The following BZW2 variants were observed in gnomAD, a reference collection of about 807,000 sequenced individuals.
The protein encoded by BZW2 is eIF5-mimic protein 1.
BZW2 carries 23 observed loss-of-function variants against 53.2 expected under a neutral mutation model. The ratio of observed to expected loss-of-function variants is 0.43; its 90% CI spans 0.31 to 0.61. The LOEUF (loss-of-function observed/expected upper bound fraction) is 0.61. Ranked by LOEUF, BZW2 falls within the 20% of genes least tolerant of loss-of-function variation. BZW2 has a pLI of 0.09. For missense variants in BZW2, 409 were observed against 503.1 expected (o/e 0.81, Z 1.79); for synonymous variants, 227 against 186.4 (o/e 1.22, Z -1.77).
At chr7:16,647,510 G>C (rs892474307) in intron 1 of BZW2, among the ~76,000 whole-genome samples, 5 of 152,266 alleles carry the variant, frequency 3.3e-5, no homozygotes, top group Non-Finnish European at 7.4e-5. Flanking sequence ...CTAAACTCCA[G>C]CTGTTTTTCC....
chr7:16,663,396 AG>A (rs1782325393), intron 1 of BZW2, among the ~76,000 whole-genome samples: 1 of 152,130 alleles, frequency 6.6e-6, no homozygotes, highest in Non-Finnish European at 1.5e-5. Flanking sequence ...TTTACTTTAT[AG>A]GGTTGGCAAA....
chr7:16,658,151 G>T (rs988469215), intron 1 of BZW2, among the ~76,000 whole-genome samples: 1 of 152,138 alleles, frequency 6.6e-6, no homozygotes, highest in Non-Finnish European at 1.5e-5. Context: ...AAGTGCAAGG[G>T]CCCAGAGGAA....
chr7:16,678,913 G>A (rs1300198258), intron 3 of BZW2, among the ~76,000 whole-genome samples: 1 of 152,016 alleles, frequency 6.6e-6, no homozygotes, highest in African/African-American at 2.4e-5. Context: ...TAGAGTGTGG[G>A]TCACAGAGAT....
chr7:16,675,895 C>T lies in BZW2; in HGVS notation c.235+1307C>T, dbSNP rs552231097. 2.2e-3 allele frequency among the ~76,000 whole-genome samples: 335 copies of T among 152,232 alleles called. 1 individual carries two copies. The highest frequency in any genetic ancestry group is 7.9e-3 in the African/African-American group (329 of 41,548). The stretch of plus-strand genomic sequence containing the variant: ...AGGAGTTCGAGACCAGCTTGGCCAA[C>T]ATGGTGAAACCCCGTGTCTATAAAA... On this transcript the variant is annotated intron_variant, in intron 3 of 11. Coordinates refer to ENST00000258761, the MANE Select transcript of BZW2 (RefSeq NM_014038.3).
At chr7:16,664,426 A>AG (rs1162756347) in intron 1 of BZW2, among the ~76,000 whole-genome samples, 1 of 152,226 alleles carries the variant, frequency 6.6e-6, no homozygotes, top group East Asian at 1.9e-4. Context: ...AATGATTGCA[A>AG]GGAGATAGCC....
chr7:16,686,158 G>A, intron 6 of BZW2, 118 bp downstream of exon 6: 1 of 1,441,272 alleles, frequency 6.9e-7, no homozygotes, highest in Non-Finnish European at 9.4e-7. Flanking sequence ...CTTCATTTAA[G>A]AGAATATCTT....
At chr7:16,651,784 C>T (rs368550210) in intron 1 of BZW2, among the ~76,000 whole-genome samples, 5 of 152,108 alleles carry the variant, frequency 3.3e-5, no homozygotes, top group African/African-American at 4.8e-5. Flanking sequence ...TCCCCCCCAC[C>T]GCTTAATAGA....
intron 11 of BZW2, 22 bp downstream of exon 11, chr7:16,704,691 T>C (rs775601475): frequency 8.9e-5 from 138 of 1,549,638 alleles, no homozygotes; most frequent in Non-Finnish European, 1.2e-4. Context: ...TTTACAAACA[T>C]TGATGACCTT....
chr7:16,656,412 G>A (rs1378528184), intron 1 of BZW2, among the ~76,000 whole-genome samples: 3 of 152,112 alleles, frequency 2.0e-5, no homozygotes, highest in African/African-American at 7.2e-5. Flanking sequence ...ATCTGGAGTT[G>A]TAGTGATTGT....
chr7:16,704,122 A>G (rs376449405), intron 10 of BZW2, among the ~76,000 whole-genome samples: 3 of 152,268 alleles, frequency 2.0e-5, no homozygotes, highest in East Asian at 1.9e-4. Flanking sequence ...GAAAATCCCA[A>G]TCTCCTTAAA....
intron 11 of BZW2, among the ~76,000 whole-genome samples, chr7:16,705,634 A>C (rs1280151920): frequency 6.7e-6 from 1 of 149,662 alleles, no homozygotes; most frequent in Admixed American, 6.6e-5. Context: ...GCAGTGAGCC[A>C]AGATCACAGC....
chr7:16,677,051 C>CTT (rs10660587), intron 3 of BZW2, among the ~76,000 whole-genome samples: 26,140 of 129,886 alleles, frequency 0.2, 2,710 homozygotes, highest in East Asian at 0.37. Context: ...GCCCAGATTT[C>CTT]TTTTTTTTTT....
chr7:16,667,300 A>G (rs1782461800), intron 2 of BZW2, among the ~76,000 whole-genome samples: 1 of 152,008 alleles, frequency 6.6e-6, no homozygotes, highest in East Asian at 1.9e-4. Context: ...AAACAAAAAA[A>G]AAAACGCTGA....
chr7:16,650,819 C>G (rs1056495475), intron 1 of BZW2, among the ~76,000 whole-genome samples: 2 of 152,150 alleles, frequency 1.3e-5, no homozygotes, highest in Non-Finnish European at 2.9e-5. Context: ...GAATGATTTG[C>G]CCCGTTCTAA....
chr7:16,698,340 AT>A (rs1783568147), intron 10 of BZW2, 154 bp downstream of exon 10: 2 of 1,019,836 alleles, frequency 2.0e-6, no homozygotes, highest in Admixed American at 4.1e-5. Context: ...CAACCATACC[AT>A]GTAGAGAGAG....
intron 1 of BZW2, among the ~76,000 whole-genome samples, chr7:16,659,107 AC>A (rs1243669774): frequency 2.0e-5 from 3 of 151,988 alleles, no homozygotes; most frequent in South Asian, 2.1e-4. Context: ...CTAAAAAAAA[AC>A]AATAAAAAAA....
In BZW2 at chr7:16,696,895, C is replaced by A; in HGVS notation, c.823-20C>A. On this transcript the variant is annotated intron_variant, in intron 8 of 11. Transcript: ENST00000258761. ...CTCCATCTGCCTGTTACTTTCTGAC[C>A]CCATTTCCATGTAATGTAGGTGGTG... 1 of 1,613,492 alleles carries A rather than the reference C, an allele frequency of 6.2e-7. No individual in the cohort carries two copies.
chr7:16,656,903 T>C (rs1562475919), intron 1 of BZW2, among the ~76,000 whole-genome samples: 1 of 152,220 alleles, frequency 6.6e-6, no homozygotes, highest in Non-Finnish European at 1.5e-5. Flanking sequence ...GTCCTCAAGA[T>C]GGCTCTTATG....
intron 3 of BZW2, among the ~76,000 whole-genome samples, chr7:16,677,939 T>C (rs1282529794): frequency 6.6e-6 from 1 of 152,122 alleles, no homozygotes; most frequent in Non-Finnish European, 1.5e-5. Context: ...CGTTTTGGTA[T>C]AAGCTATGCA....
Sources: gnomAD v4.1 joint callset for allele counts (sites outside exome capture counted in the v4.1 genomes callset) on GRCh38, gnomAD v4.1.1 for gene constraint, MANE v1.5 for transcripts, NCBI Gene and HGNC (gene_info 2026-07-23, HGNC 2026-07-21) for gene names.